The following PPAT variants were observed in gnomAD, a reference collection of about 807,000 sequenced individuals.
PPAT encodes the protein amidophosphoribosyltransferase.
In PPAT, 20 loss-of-function variants were observed where a neutral mutation model predicts 60.2. The observed-to-expected ratio is 0.33, with a 90% CI of 0.23 to 0.48. The LOEUF (loss-of-function observed/expected upper bound fraction) is 0.48. Among genes scored for constraint, PPAT ranks in the 20% least tolerant of loss-of-function variants. PPAT has a pLI of 0.99. For missense variants in PPAT, 349 were observed against 629.6 expected (o/e 0.55, Z 4.77); for synonymous variants, 194 against 215.1 (o/e 0.90, Z 0.86).
chr4:56,400,929 GGA>G lies in PPAT; in HGVS notation c.887-20_887-19del. On this transcript the variant is annotated intron_variant, in intron 7 of 10. Coordinates refer to ENST00000264220, the MANE Select transcript of PPAT (RefSeq NM_002703.5). ...CATTTGGTCTGGTGTGTTTGGAAAA[GGA>G]GAGAGAGTATTTTTACTTAGCATGA... is the stretch of plus-strand genomic sequence containing the variant. 1 of 1,600,304 alleles carries G rather than the reference GGA, an allele frequency of 6.2e-7. No individual in the cohort carries two copies. Among genetic ancestry groups the G allele is most frequent in the African/African-American group, 1.3e-5 (1 of 74,642 alleles).
rs200714501 is a variant in PPAT at position 56,407,675 on chromosome 4, G to A, written c.170C>T (p.Ser57Leu). 3.1e-6 allele frequency: 5 copies of A among 1,605,592 alleles called. No individual in the cohort carries two copies. The highest frequency in any genetic ancestry group is 1.7e-5 in the Admixed American group (1 of 59,986). ...SAGIVTSDGS[S>L]VPTFKSHKGM... Reference sequence around the variant, plus strand: ...CTTGTGTGATTTGAATGTTGGCACCGAACTCCCATCACTAGTCACAATACC... The same window carrying A: ...CTTGTGTGATTTGAATGTTGGCACCAAACTCCCATCACTAGTCACAATACC... Residue 57 changes from serine to leucine, a missense_variant, in exon 2 of 11, where the codon TCG becomes TTG. By Grantham distance (145) the Ser-to-Leu change is moderately radical (BLOSUM62 -2). Coordinates refer to ENST00000264220, the MANE Select transcript of PPAT (RefSeq NM_002703.5).
intron 1 of PPAT, among the ~76,000 whole-genome samples, chr4:56,434,444 G>A (rs1717786121): frequency 6.6e-6 from 1 of 152,094 alleles, no homozygotes; most frequent in Admixed American, 6.5e-5. Context: ...ATCAAACCCA[G>A]GTTTGTTTTT....
chr4:56,401,532 G>T, intron 6 of PPAT, 51 bp from the exon 7 acceptor site: 1 of 1,443,454 alleles, frequency 6.9e-7, no homozygotes, highest in Non-Finnish European at 9.5e-7. Context: ...TAGTCCTTAA[G>T]GCTGATGAAA....
chr4:56,414,857 C>G (rs1716640624), intron 1 of PPAT, among the ~76,000 whole-genome samples: 1 of 152,126 alleles, frequency 6.6e-6, no homozygotes, highest in East Asian at 1.9e-4. Context: ...CTGTTTTCAA[C>G]CAAATCTAAA....
intron 1 of PPAT, 44 bp downstream of exon 1, chr4:56,435,306 G>A: frequency 6.2e-7 from 1 of 1,610,070 alleles, no homozygotes; most frequent in South Asian, 1.1e-5. Context: ...GCGGCTCCGA[G>A]AGATGGAGAC....
In PPAT at chr4:56,425,025, T is replaced by C. The variant is rs141932801; in HGVS notation, c.128+10325A>G. Among the ~76,000 whole-genome samples the C allele has an allele frequency of 1.3e-3, 205 of 152,326 alleles. 3 individuals are homozygous for C. The highest frequency in any genetic ancestry group is 4.6e-3 in the African/African-American group (192 of 41,570). On this transcript the variant is annotated intron_variant, in intron 1 of 10. Coordinates refer to ENST00000264220, the MANE Select transcript of PPAT (RefSeq NM_002703.5). ...AAATCACAAGTGAAATACCTCAATG[T>C]TCATCTAAGAATAACCCTAGAAATG...
chr4:56,417,909 C>T (rs1278467292), intron 1 of PPAT, among the ~76,000 whole-genome samples: 1 of 148,064 alleles, frequency 6.8e-6, no homozygotes, highest in East Asian at 2.0e-4. Context: ...GGTGCAATCT[C>T]GGCTCACTGC....
chr4:56,404,440 G>C (rs947182873), intron 3 of PPAT, among the ~76,000 whole-genome samples: 1 of 152,208 alleles, frequency 6.6e-6, no homozygotes, highest in African/African-American at 2.4e-5. Context: ...AATATCGCTT[G>C]AGTGTACTCT....
At chr4:56,426,391 G>A (rs969940118) in intron 1 of PPAT, among the ~76,000 whole-genome samples, 2 of 151,158 alleles carry the variant, frequency 1.3e-5, no homozygotes, top group African/African-American at 4.9e-5. Flanking sequence ...GACTGAGCAA[G>A]ACTCTGTCTC....
intron 9 of PPAT, among the ~76,000 whole-genome samples, chr4:56,397,131 G>C (rs924601597): frequency 7.0e-6 from 1 of 142,528 alleles, no homozygotes; most frequent in African/African-American, 2.6e-5. Context: ...CGTTTACATG[G>C]CTATACTCAG....
rs757325280 is a variant in PPAT at position 56,399,168 on chromosome 4, A to G, written c.1236+11T>C. The G allele has an allele frequency of 5.3e-5, 85 of 1,592,078 alleles. No individual in the cohort carries two copies. The highest frequency in any genetic ancestry group is 1.7e-6 in the Non-Finnish European group (2 of 1,160,510). ...AACTTATGCTTTAGGATATGTTTTA[A>G]TATTACTTACCTCTTTTGCACCAGA... On this transcript the variant is annotated intron_variant, in intron 9 of 10. Coordinates refer to ENST00000264220, the MANE Select transcript of PPAT (RefSeq NM_002703.5).
intron 1 of PPAT, among the ~76,000 whole-genome samples, chr4:56,415,873 C>T (rs1716704015): frequency 6.6e-6 from 1 of 152,082 alleles, no homozygotes; most frequent in Non-Finnish European, 1.5e-5. Context: ...AGCTCGAGAC[C>T]AGCCTGGCCA....
intron 10 of PPAT, 100 bp from the exon 11 acceptor site, chr4:56,395,648 G>T: frequency 2.5e-6 from 2 of 794,414 alleles, no homozygotes; most frequent in Non-Finnish European, 3.5e-6. Flanking sequence ...TTTAAGCTAG[G>T]ATAAATTTCT....
chr4:56,423,944 G>A (rs893546141), intron 1 of PPAT, among the ~76,000 whole-genome samples: 3 of 152,096 alleles, frequency 2.0e-5, no homozygotes, highest in Admixed American at 1.3e-4. Context: ...ACGTAGTATT[G>A]AGGTATAAAA....
At chr4:56,420,576 C>CA (rs1382473959) in intron 1 of PPAT, 1 of 151,866 alleles carries the variant, frequency 6.6e-6, no homozygotes, top group Non-Finnish European at 1.5e-5. Context: ...TACAGTTATA[C>CA]AAAAAGGAGG....
chr4:56,421,435 C>T (rs1717032521), intron 1 of PPAT: 1 of 152,420 alleles, frequency 6.6e-6, no homozygotes, highest in African/African-American at 2.4e-5. Flanking sequence ...ACCCCCTGGT[C>T]CATGGAAAAA....
chr4:56,405,853 G>C (rs948924290), intron 3 of PPAT, among the ~76,000 whole-genome samples: 4 of 152,178 alleles, frequency 2.6e-5, no homozygotes, highest in Non-Finnish European at 5.9e-5. Context: ...GGTAGTGCTA[G>C]GGCTGTTGCA....
intron 1 of PPAT, among the ~76,000 whole-genome samples, chr4:56,427,326 G>C (rs748782407): frequency 6.6e-6 from 1 of 152,076 alleles, no homozygotes; most frequent in Non-Finnish European, 1.5e-5. Context: ...GCATGTATAT[G>C]TTTTTATGTG....
chr4:56,413,893 A>G (rs1191895960), intron 1 of PPAT, among the ~76,000 whole-genome samples: 2 of 152,216 alleles, frequency 1.3e-5, no homozygotes, highest in East Asian at 3.9e-4. Context: ...GTAAAACTCT[A>G]TCTCAAAATA....
Sources: allele counts gnomAD v4.1 joint callset (sites outside exome capture counted in the v4.1 genomes callset), GRCh38; gene constraint gnomAD v4.1.1; transcripts MANE v1.5; gene names NCBI Gene and HGNC (gene_info 2026-07-23, HGNC 2026-07-21).